The following CACNA1A variants were observed in gnomAD, a reference collection of about 807,000 sequenced individuals.
CACNA1A encodes the protein voltage-dependent P/Q-type calcium channel subunit alpha-1A.
Under a neutral mutation model 262.4 loss-of-function variants are expected in CACNA1A, and 57 were observed. That is an observed-to-expected ratio of 0.22 (90% CI 0.18 to 0.27). The LOEUF is 0.27. CACNA1A is among the 10% of genes least tolerant of loss of function. The pLI is 1.00. For missense variants in CACNA1A, 2,526 were observed against 3,562.8 expected, an observed-to-expected ratio of 0.71 and a Z score of 7.41; for synonymous variants, 1,431 against 1,419.3, an observed-to-expected ratio of 1.01 and a Z score of -0.18.
rs2060382041 is a variant in CACNA1A, at chr19:13,425,252, T to C, written c.539+27624A>G. 2.0e-5 allele frequency among the ~76,000 whole-genome samples: 3 copies of C among 152,262 alleles called. No individual in the cohort carries two copies. The South Asian group carries it at 6.2e-4, about 32-fold the overall frequency. ...TAGTTATCAGCCCCAAATAAATAAG[T>C]GAAGTCAAGAATTTCCCAGAGGTAA... On this transcript the variant is annotated intron_variant, in intron 3 of 46. Transcript: ENST00000360228.
rs913611781 is a variant in CACNA1A at position 13,212,987 on chromosome 19, C to A, written c.5941-247G>T. 1.3e-5 allele frequency among the ~76,000 whole-genome samples: 2 copies of A among 152,104 alleles called. No homozygotes were observed. Among genetic ancestry groups the A allele is most frequent in the Non-Finnish European group, 2.9e-5 (2 of 68,024 alleles). On this transcript the variant is annotated intron_variant, in intron 40 of 46. Transcript: ENST00000360228. The surrounding 1 kb of genome is among the most constrained non-coding windows in gnomAD (Gnocchi z 5.6). ...TGCAGGCACCTTCTCCCAGGTCTCC[C>A]GCTCCTACCTTCAACCCCACTGTTC...
intron 19 of CACNA1A, among the ~76,000 whole-genome samples, chr19:13,296,681 C>T (rs1025848709): frequency 6.6e-6 from 1 of 151,006 alleles, no homozygotes; most frequent in African/African-American, 2.4e-5. Flanking sequence ...TGAGCCACCA[C>T]ATCCCGCTGC....
At chr19:13,277,445 G>A in intron 22 of CACNA1A, 1 of 223,582 alleles carries the variant, frequency 4.5e-6, no homozygotes, top group East Asian at 1.0e-4. Flanking sequence ...TAGTGGATTA[G>A]AAGCGGCCCC....
intron 27 of CACNA1A, 39 bp from the exon 28 acceptor site, chr19:13,257,590 GGA>G (rs1568468403): frequency 6.9e-7 from 1 of 1,445,268 alleles, no homozygotes; most frequent in Admixed American, 2.0e-5. Context: ...GGGGCAGGAA[GGA>G]GAGAGACAGG....
intron 3 of CACNA1A, among the ~76,000 whole-genome samples, chr19:13,445,248 A>G (rs751077003): frequency 3.0e-4 from 45 of 152,190 alleles, no homozygotes; most frequent in Admixed American, 1.8e-3. Context: ...CTTCAACAAA[A>G]TGGCCCAAAG....
At chr19:13,239,201 G>T (rs1403379040) in intron 31 of CACNA1A, among the ~76,000 whole-genome samples, 2 of 152,070 alleles carry the variant, frequency 1.3e-5, no homozygotes, top group African/African-American at 2.4e-5. Context: ...CCAGCCCCGG[G>T]TCCTGTCCCC....
chr19:13,478,060 A>C (rs1978774233), intron 1 of CACNA1A, among the ~76,000 whole-genome samples: 1 of 151,564 alleles, frequency 6.6e-6, no homozygotes, highest in South Asian at 2.1e-4. Flanking sequence ...GTTCTTGGAA[A>C]CTCAAAGAAC....
intron 43 of CACNA1A, chr19:13,210,856 G>A: frequency 1.6e-6 from 1 of 628,370 alleles, no homozygotes; most frequent in South Asian, 1.9e-5. Context: ...CAGGCCCCCG[G>A]GGCTGGGCGT....
At chr19:13,229,836 T>C (rs2055598798) in intron 36 of CACNA1A, 1 of 410,302 alleles carries the variant, frequency 2.4e-6, no homozygotes, top group Admixed American at 3.7e-5. Flanking sequence ...TCAGGACATC[T>C]CATGGTTGAC....
chr19:13,402,867 CACACACATATATATAT>C (rs2059928172), intron 3 of CACNA1A, among the ~76,000 whole-genome samples: 1 of 72,516 alleles, frequency 1.4e-5, no homozygotes, highest in Non-Finnish European at 2.5e-5. Context: ...TACACACACA[CACACACATATATATAT>C]ATATATATAT....
In CACNA1A at chr19:13,506,258, C is replaced by A. The variant is rs897702047; in HGVS notation, c.-34G>T. On this transcript the variant is annotated 5_prime_UTR_variant, in exon 1 of 47. Coordinates refer to ENST00000360228, the MANE Select transcript of CACNA1A (RefSeq NM_001127222.2). ...GAGCAAAGGGCTCCGGGTTACGCTG[C>A]GGCGAACGATGCGGAAGACGCCGCC... is the stretch of plus-strand genomic sequence containing the variant. 6.8e-5 allele frequency: 96 copies of A among 1,411,216 alleles called. No individual in the cohort carries two copies. The highest frequency in any genetic ancestry group is 8.4e-5 in the Non-Finnish European group (92 of 1,094,730). The allele number at this position is 1,411,216 out of a possible 1,614,324, so 87.4% of individuals were successfully genotyped here.
chr19:13,338,208 T>C (rs4926273), intron 6 of CACNA1A, among the ~76,000 whole-genome samples: 104,844 of 151,586 alleles, frequency 0.69, 36,358 homozygotes, highest in Admixed American at 0.76. Flanking sequence ...GAGCGAGACT[T>C]CGTCTCAAAA....
chr19:13,354,138 G>A (rs577572580), intron 6 of CACNA1A, among the ~76,000 whole-genome samples: 1 of 152,306 alleles, frequency 6.6e-6, no homozygotes, highest in South Asian at 2.1e-4. Flanking sequence ...GATGTTAAGA[G>A]AATAAATGTG....
intron 5 of CACNA1A, chr19:13,363,615 C>G (rs936787671): frequency 6.6e-6 from 1 of 151,970 alleles, no homozygotes; most frequent in Non-Finnish European, 1.5e-5. Context: ...GGCTCAGGGG[C>G]TGCCTCTGCG....
At position 13,214,705 on chromosome 19, in the gene CACNA1A, C is replaced by T. The variant is rs1266707744; in HGVS notation, c.5732-97G>A. The T allele has an allele frequency of 4.3e-6, 4 of 933,012 alleles. No homozygotes were observed. The highest frequency in any genetic ancestry group is 4.1e-5 in the Admixed American group (2 of 48,504). 57.8% of individuals were successfully genotyped at this position (933,012 alleles called of 1,614,324 possible). On this transcript the variant is annotated intron_variant, in intron 38 of 46. Transcript: ENST00000360228. The surrounding 1 kb of genome is among the most constrained non-coding windows in gnomAD (Gnocchi z 4.1). ...CCATAGGCTCCCGAGAACGAGACCC[C>T]AATCTTTCTGGTCCCCATGGGGTCT...
intron 3 of CACNA1A, among the ~76,000 whole-genome samples, chr19:13,379,644 G>A (rs934448130): frequency 2.0e-4 from 30 of 152,312 alleles, no homozygotes; most frequent in Non-Finnish European, 3.7e-4. Flanking sequence ...AGTGTTACAG[G>A]GCCGGGCGCG....
chr19:13,215,010 G>T (rs78210690), intron 38 of CACNA1A: 1 of 153,236 alleles, frequency 6.5e-6, no homozygotes, highest in Non-Finnish European at 1.4e-5. Context: ...GTGTGTGTGT[G>T]TGTTTTTTTT....
intron 22 of CACNA1A, among the ~76,000 whole-genome samples, chr19:13,280,940 CA>C (rs59445149): frequency 0.11 from 9,162 of 82,150 alleles, 373 homozygotes; most frequent in African/African-American, 0.26. Context: ...GACTCCATCT[CA>C]AAAAAAAAAA....
At chr19:13,352,417 A>C (rs1476979478) in intron 6 of CACNA1A, among the ~76,000 whole-genome samples, 2 of 151,838 alleles carry the variant, frequency 1.3e-5, no homozygotes, top group Non-Finnish European at 2.9e-5. Flanking sequence ...AAAAAAAAAA[A>C]AAAGTAAACT....
Sources: gnomAD v4.1 joint callset for allele counts (sites outside exome capture counted in the v4.1 genomes callset) on GRCh38, gnomAD v4.1.1 for gene constraint, Gnocchi (gnomAD v3.1) non-coding constraint, MANE v1.5 for transcripts, NCBI Gene and HGNC (gene_info 2026-07-23, HGNC 2026-07-21) for gene names.